DCBLD1: variants seen among roughly 807,000 people sequenced by gnomAD.
DCBLD1 encodes discoidin, CUB and LCCL domain containing 1.
In DCBLD1, 57 loss-of-function variants were observed where a neutral mutation model predicts 71.5. That is an observed-to-expected ratio of 0.80 (90% CI 0.64 to 0.99). The LOEUF (loss-of-function observed/expected upper bound fraction) is 0.99, where lower values mean the gene tolerates loss of function less well. Among genes scored for constraint, DCBLD1 ranks in the 50% least tolerant of loss-of-function variants. The pLI, the probability that DCBLD1 is intolerant of heterozygous loss-of-function variation, is 0.00. For missense variants in DCBLD1, 891 were observed against 923.5 expected (o/e 0.96, Z 0.46); for synonymous variants, 380 against 363.8 (o/e 1.04, Z -0.51).
chr6:117,507,282 A>G (rs572603367), intron 2 of DCBLD1, among the ~76,000 whole-genome samples: 17 of 152,348 alleles, frequency 1.1e-4, no homozygotes, highest in Non-Finnish European at 1.8e-4. Context: ...GCTAACAAAA[A>G]TGCATTGTAA....
chr6:117,517,779 G>C (rs1212834973), intron 2 of DCBLD1, among the ~76,000 whole-genome samples: 1 of 152,194 alleles, frequency 6.6e-6, no homozygotes, highest in African/African-American at 2.4e-5. Context: ...TCCAGCCATA[G>C]CTGGAGCAGC....
chr6:117,485,591 C>G (rs1582954908), intron 1 of DCBLD1, among the ~76,000 whole-genome samples: 1 of 152,206 alleles, frequency 6.6e-6, no homozygotes, highest in East Asian at 1.9e-4. Context: ...GCCTTGTAGA[C>G]TGTAAGATCC....
Position 117,569,689 on chromosome 6 carries a change from C to T in DCBLD1, c.*65C>T, listed in dbSNP as rs41305292. The T allele has an allele frequency of 6.4e-5, 103 of 1,608,052 alleles. No homozygotes were observed. Among genetic ancestry groups the T allele is most frequent in the Middle Eastern group, 1.7e-4 (1 of 6,050 alleles). ...CTCCGCATCTATCAGCAGGTTGCCC[C>T]GGATGGATCTCAGAGATGAGGATTG... is the stretch of plus-strand genomic sequence containing the variant. On this transcript the variant is annotated 3_prime_UTR_variant, in exon 15 of 15. Transcript: ENST00000296955.
intron 6 of DCBLD1, 109 bp downstream of exon 6, chr6:117,532,502 T>G: frequency 7.3e-7 from 1 of 1,370,286 alleles, no homozygotes; most frequent in Non-Finnish European, 9.7e-7. Context: ...AGCAAGGGTT[T>G]GTCAACTGGA....
chr6:117,486,900 C>G (rs1050560530), intron 1 of DCBLD1, among the ~76,000 whole-genome samples: 2 of 152,130 alleles, frequency 1.3e-5, no homozygotes, highest in Non-Finnish European at 2.9e-5. Context: ...CGCCTCCTGT[C>G]AGATCAGCCG....
intron 14 of DCBLD1, among the ~76,000 whole-genome samples, chr6:117,556,587 T>C (rs1779498266): frequency 6.6e-6 from 1 of 152,260 alleles, no homozygotes; most frequent in Non-Finnish European, 1.5e-5. Flanking sequence ...TTCAATGGTA[T>C]ATATTTACCA....
At chr6:117,491,510 T>A (rs1346821106) in intron 1 of DCBLD1, among the ~76,000 whole-genome samples, 1 of 152,174 alleles carries the variant, frequency 6.6e-6, no homozygotes, top group Non-Finnish European at 1.5e-5. Context: ...TATTAAGGAT[T>A]TCTTGACTTT....
At chr6:117,534,344 T>C (rs1778817969) in intron 6 of DCBLD1, among the ~76,000 whole-genome samples, 1 of 152,230 alleles carries the variant, frequency 6.6e-6, no homozygotes, top group Non-Finnish European at 1.5e-5. Context: ...CATCCTGATT[T>C]ATAGTAAAAG....
intron 5 of DCBLD1, among the ~76,000 whole-genome samples, chr6:117,525,889 C>A (rs1480984605): frequency 6.6e-6 from 1 of 152,192 alleles, no homozygotes; most frequent in South Asian, 2.1e-4. Context: ...TCCAGTAAGA[C>A]TACCTGGGTT....
At chr6:117,554,954 G>T (rs538488902) in intron 14 of DCBLD1, among the ~76,000 whole-genome samples, 1 of 151,818 alleles carries the variant, frequency 6.6e-6, no homozygotes, top group Admixed American at 6.6e-5. Flanking sequence ...ATCTTGATCA[G>T]ATATTATTAG....
At chr6:117,504,809 A>C (rs1448113018) in intron 2 of DCBLD1, among the ~76,000 whole-genome samples, 2 of 152,238 alleles carry the variant, frequency 1.3e-5, no homozygotes, top group Non-Finnish European at 2.9e-5. Context: ...AAAATCTTAC[A>C]TACATTCTTT....
rs576236624 is a variant in DCBLD1 at position 117,485,667 on chromosome 6, C to T, written c.112+2774C>T. ...GTATCTGACAAAGGTGCTCAGTGTT[C>T]CTTGAGTTGAACTGAACAATCTCTT... On this transcript the variant is annotated intron_variant, in intron 1 of 14. Transcript: ENST00000338728. 3.3e-5 allele frequency among the ~76,000 whole-genome samples: 5 copies of T among 152,274 alleles called. No homozygotes were observed. In the East Asian group the frequency reaches 9.6e-4, roughly 29 times the overall value.
intron 6 of DCBLD1, 114 bp downstream of exon 6, chr6:117,532,507 A>C: frequency 7.4e-7 from 1 of 1,354,028 alleles, no homozygotes; most frequent in Admixed American, 3.1e-5. Flanking sequence ...GGGTTTGTCA[A>C]CTGGAAAAAT....
chr6:117,495,933 A>G (rs1562430788), intron 1 of DCBLD1, among the ~76,000 whole-genome samples: 1 of 152,244 alleles, frequency 6.6e-6, no homozygotes, highest in Non-Finnish European at 1.5e-5. Context: ...TCATAGAGGA[A>G]TCGTAGATAG....
At chr6:117,544,441 G>A (rs1345326531) in intron 12 of DCBLD1, 87 bp from the exon 13 acceptor site, 2 of 1,376,734 alleles carry the variant, frequency 1.5e-6, no homozygotes, top group Non-Finnish European at 2.0e-6. Context: ...TATGAGGTAA[G>A]TACTATTATG....
Position 117,538,931 on chromosome 6 carries a change from C to T in DCBLD1, c.976+96C>T, listed in dbSNP as rs1295178349. ...ACGCTTATTGTTTACATAGGTGCTTCTCTACCTACCTCCAAGTTCTTGAAA... is the reference window on the plus strand; with the variant it reads ...ACGCTTATTGTTTACATAGGTGCTTTTCTACCTACCTCCAAGTTCTTGAAA... On this transcript the variant is annotated intron_variant, in intron 8 of 14. Transcript: ENST00000338728. 3 of 1,190,628 alleles carry T rather than the reference C, an allele frequency of 2.5e-6. No individual in the cohort carries two copies. In the African/African-American group the frequency reaches 4.6e-5, roughly 18 times the overall value. 73.8% of individuals were successfully genotyped at this position (1,190,628 alleles called of 1,614,324 possible).
chr6:117,509,021 T>C (rs1488227455), intron 2 of DCBLD1, among the ~76,000 whole-genome samples: 1 of 152,214 alleles, frequency 6.6e-6, no homozygotes, highest in Non-Finnish European at 1.5e-5. Context: ...CTCCCTTGCC[T>C]CAAATTCCTG....
chr6:117,550,496 C>T (rs1262237988), downstream of DCBLD1, among the ~76,000 whole-genome samples: 9 of 152,210 alleles, frequency 5.9e-5, no homozygotes, highest in African/African-American at 2.2e-4. Context: ...TCTGCCACTT[C>T]TTAAATTTGC....
intron 1 of DCBLD1, among the ~76,000 whole-genome samples, chr6:117,501,436 C>T (rs1331216034): frequency 2.6e-5 from 4 of 152,122 alleles, no homozygotes; most frequent in East Asian, 1.9e-4. Context: ...TGGGTTCAAG[C>T]GATTCTCCTG....
Sources: gnomAD v4.1 joint callset for allele counts (sites outside exome capture counted in the v4.1 genomes callset) on GRCh38, gnomAD v4.1.1 for gene constraint, MANE v1.5 for transcripts, NCBI Gene and HGNC (gene_info 2026-07-23, HGNC 2026-07-21) for gene names.